The following CENPW variants were observed in gnomAD, a reference collection of about 807,000 sequenced individuals.
The protein encoded by CENPW is centromere protein W, also known as cancer-up-regulated gene 2 protein.
In CENPW, 3 loss-of-function variants were observed where a neutral mutation model predicts 11.1. That is an observed-to-expected ratio of 0.27 (90% confidence interval 0.12 to 0.70). The LOEUF (loss-of-function observed/expected upper bound fraction) is 0.70. Ranked by LOEUF, CENPW falls within the 30% of genes least tolerant of loss-of-function variation. CENPW has a pLI of 0.77. For synonymous variants in CENPW, 38 were observed against 42.0 expected (o/e 0.91, Z 0.37); for missense variants, 100 against 105.6 (o/e 0.95, Z 0.23).
chr6:126,379,782 T>G, the CENPW span, among the ~76,000 whole-genome samples: 2 of 152,224 alleles, frequency 1.3e-5, no homozygotes, highest in Non-Finnish European at 2.9e-5. Flanking sequence ...TATGTGTGAT[T>G]ATTCTGGAGA....
At chr6:126,375,086 GAGAT>G in the CENPW span, among the ~76,000 whole-genome samples, 1 of 152,158 alleles carries the variant, frequency 6.6e-6, no homozygotes, top group Non-Finnish European at 1.5e-5. Flanking sequence ...GTTTTACTAT[GAGAT>G]AGATACAGTG....
the CENPW span, among the ~76,000 whole-genome samples, chr6:126,374,441 C>A: frequency 2.0e-5 from 3 of 152,108 alleles, no homozygotes; most frequent in Non-Finnish European, 4.4e-5. Flanking sequence ...TTCCTGACAG[C>A]TTGTTAATGC....
chr6:126,389,022 A>T, the CENPW span, among the ~76,000 whole-genome samples: 3 of 151,918 alleles, frequency 2.0e-5, no homozygotes, highest in African/African-American at 7.2e-5. Flanking sequence ...AAAATTGTAG[A>T]TCTCATTCTG....
chr6:126,357,105 T>C, the CENPW span, among the ~76,000 whole-genome samples: 1 of 152,218 alleles, frequency 6.6e-6, no homozygotes, highest in Non-Finnish European at 1.5e-5. Flanking sequence ...TCCATTTTGC[T>C]TAATTTTTTA....
chr6:126,470,098 A>C, the CENPW span, among the ~76,000 whole-genome samples: 1 of 152,230 alleles, frequency 6.6e-6, no homozygotes, highest in Admixed American at 6.5e-5. Flanking sequence ...TTAATTGTCA[A>C]GACAATGGAG....
the CENPW span, among the ~76,000 whole-genome samples, chr6:126,375,226 A>G: frequency 2.1e-3 from 319 of 152,326 alleles, 5 homozygotes; most frequent in East Asian, 0.024. Flanking sequence ...CAAGAAACAG[A>G]AAGTAAGTCA....
downstream of CENPW, among the ~76,000 whole-genome samples, chr6:126,351,878 G>C (rs1387153550): frequency 2.0e-5 from 3 of 151,896 alleles, no homozygotes; most frequent in East Asian, 5.8e-4. Flanking sequence ...TTTTAATCTT[G>C]ACAATCAATA....
chr6:126,390,871 T>C, the CENPW span, among the ~76,000 whole-genome samples: 76 of 152,156 alleles, frequency 5.0e-4, no homozygotes, highest in African/African-American at 1.7e-3. Flanking sequence ...TCCATTCATC[T>C]TTTGATGGAC....
the CENPW span, among the ~76,000 whole-genome samples, chr6:126,391,371 C>T: frequency 2.2e-3 from 330 of 151,820 alleles, 1 homozygote; most frequent in African/African-American, 7.4e-3. Flanking sequence ...TGGTTATTAA[C>T]GCCTTTTCAG....
At chr6:126,459,349 A>G in the CENPW span, among the ~76,000 whole-genome samples, 1 of 151,586 alleles carries the variant, frequency 6.6e-6, no homozygotes, top group Non-Finnish European at 1.5e-5. Flanking sequence ...GAGAAGATAA[A>G]GAATTAATAA....
At chr6:126,474,459 C>T in the CENPW span, among the ~76,000 whole-genome samples, 7 of 152,070 alleles carry the variant, frequency 4.6e-5, no homozygotes, top group African/African-American at 9.6e-5. Context: ...TTCCTAAGGA[C>T]GTGGAGGTTT....
chr6:126,401,304 G>T, the CENPW span, among the ~76,000 whole-genome samples: 1 of 151,954 alleles, frequency 6.6e-6, no homozygotes, highest in East Asian at 1.9e-4. Flanking sequence ...CAATATCTGG[G>T]CCACCTCAAC....
chr6:126,481,240 G>A, the CENPW span, among the ~76,000 whole-genome samples: 5 of 151,870 alleles, frequency 3.3e-5, no homozygotes, highest in Non-Finnish European at 7.4e-5. Flanking sequence ...TTGGACTGTT[G>A]AATACTTTTG....
At chr6:126,470,916 A>G in the CENPW span, among the ~76,000 whole-genome samples, 2 of 152,226 alleles carry the variant, frequency 1.3e-5, no homozygotes, top group African/African-American at 4.8e-5. Context: ...TACCAGCATT[A>G]TATCTTGGAA....
At chr6:126,392,723 T>G in the CENPW span, among the ~76,000 whole-genome samples, 9 of 151,934 alleles carry the variant, frequency 5.9e-5, no homozygotes, top group African/African-American at 2.2e-4. Flanking sequence ...ATTTTTGCAT[T>G]GATATTCATC....
chr6:126,479,585 A>G, the CENPW span, among the ~76,000 whole-genome samples: 5 of 152,064 alleles, frequency 3.3e-5, no homozygotes, highest in Non-Finnish European at 7.4e-5. Flanking sequence ...CAGCATATTA[A>G]GAAAAGCTGG....
At chr6:126,422,001 A>C in the CENPW span, among the ~76,000 whole-genome samples, 1 of 152,132 alleles carries the variant, frequency 6.6e-6, no homozygotes, top group African/African-American at 2.4e-5. Flanking sequence ...AACCAGAAGA[A>C]AAGGGACAGT....
the CENPW span, among the ~76,000 whole-genome samples, chr6:126,362,948 G>A: frequency 6.6e-6 from 1 of 151,976 alleles, no homozygotes; most frequent in Non-Finnish European, 1.5e-5. Context: ...GGACAGTTTT[G>A]GCTTGCATGC....
the CENPW span, among the ~76,000 whole-genome samples, chr6:126,451,743 G>T: frequency 6.6e-6 from 1 of 150,908 alleles, no homozygotes; most frequent in Non-Finnish European, 1.5e-5. Context: ...TCTACATATG[G>T]GTTCAGTCAC....
Sources: gnomAD v4.1 joint callset for allele counts (sites outside exome capture counted in the v4.1 genomes callset) on GRCh38, gnomAD v4.1.1 for gene constraint, MANE v1.5 for transcripts, NCBI Gene and HGNC (gene_info 2026-07-23, HGNC 2026-07-21) for gene names.